Variants in SPRTN observed in about 807,000 individuals in gnomAD.
SPRTN encodes DNA-dependent metalloprotease SPRTN.
Under a neutral mutation model 31.9 loss-of-function variants are expected in SPRTN, and 11 were observed. The observed-to-expected ratio is 0.34, with a 90% CI of 0.22 to 0.57. SPRTN has a LOEUF of 0.57. SPRTN is among the 20% of genes least tolerant of loss of function. The pLI is 0.86. For synonymous variants in SPRTN, 185 were observed against 212.1 expected, an observed-to-expected ratio of 0.87 and a Z score of 1.11; for missense variants, 482 against 590.1, an observed-to-expected ratio of 0.82 and a Z score of 1.90.
intron 2 of SPRTN, 66 bp downstream of exon 2, chr1:231,339,934 G>C (rs1686814946): frequency 6.8e-7 from 1 of 1,474,148 alleles, no homozygotes; most frequent in Non-Finnish European, 9.5e-7. Flanking sequence ...GATTTAGACT[G>C]CTGTGAATTC....
intron 4 of SPRTN, 162 bp from the exon 5 acceptor site, chr1:231,352,448 C>T (rs1001476276): frequency 4.5e-6 from 6 of 1,322,524 alleles, no homozygotes; most frequent in Non-Finnish European, 5.8e-6. Flanking sequence ...CTCCTGAATT[C>T]TGAAGATTGC....
At chr1:231,346,823 T>G (rs1274936959) in intron 2 of SPRTN, among the ~76,000 whole-genome samples, 1 of 152,038 alleles carries the variant, frequency 6.6e-6, no homozygotes, top group Non-Finnish European at 1.5e-5. Context: ...ACACCTGTAG[T>G]GCCAGCTACT....
rs902264087 is a variant in SPRTN at position 231,354,433 on chromosome 1, T to A, written c.*1072T>A. The A allele has an allele frequency of 1.0e-6, 1 of 966,202 alleles. No homozygotes were observed. Among genetic ancestry groups the A allele is most frequent in the Non-Finnish European group, 1.2e-6 (1 of 812,486 alleles). 59.9% of individuals were successfully genotyped at this position (966,202 alleles called of 1,614,324 possible). On this transcript the variant is annotated 3_prime_UTR_variant, in exon 5 of 5. Coordinates refer to ENST00000295050, the MANE Select transcript of SPRTN (RefSeq NM_032018.7). ...TTGTTGTAATACAGGTGCACAAATC[T>A]TAAGTGCACAGCTGGGTAAACTTTT...
chr1:231,351,209 A>T (rs1308499959), intron 3 of SPRTN, 95 bp from the exon 4 acceptor site: 241 of 519,774 alleles, frequency 4.6e-4, no homozygotes, highest in African/African-American at 3.7e-3. Flanking sequence ...AAAAATTAAA[A>T]AAAAAAAAAA....
At chr1:231,343,033 G>A (rs1440584491) in intron 2 of SPRTN, among the ~76,000 whole-genome samples, 2 of 152,048 alleles carry the variant, frequency 1.3e-5, no homozygotes, top group Non-Finnish European at 2.9e-5. Flanking sequence ...CACCACACCT[G>A]GCCAAGACTA....
In SPRTN at chr1:231,353,347, G is replaced by A. The variant is rs762108108; in HGVS notation, c.1456G>A (p.Glu486Lys). 21 of 1,582,396 alleles carry A rather than the reference G, an allele frequency of 1.3e-5. No homozygotes were observed. Among genetic ancestry groups the A allele is most frequent in the African/African-American group, 2.7e-5 (2 of 73,068 alleles). ...LEGDSIKVKS[E>K]ESL ...AGGTGACAGCATCAAAGTCAAAAGC[G>A]AAGAAAGTCTTTGAAAAAGGTTTCA... The change falls in exon 5 of 5, where the codon GAA becomes AAA. Residue 486 changes from glutamate (E) to lysine (K), a missense_variant. Coordinates refer to ENST00000295050, the MANE Select transcript of SPRTN (RefSeq NM_032018.7).
At chr1:231,339,531 G>T in intron 1 of SPRTN, 5 of 717,000 alleles carry the variant, frequency 7.0e-6, no homozygotes, top group Non-Finnish European at 9.9e-6. Context: ...TTCTCAAGCA[G>T]GGTGGTGAGA....
intron 3 of SPRTN, among the ~76,000 whole-genome samples, chr1:231,350,035 C>A (rs1339759652): frequency 6.6e-6 from 1 of 152,114 alleles, no homozygotes; most frequent in East Asian, 1.9e-4. Flanking sequence ...CAAAACAGAT[C>A]CATTTGTCTC....
At chr1:231,339,276 ACAGGCGT>A (rs1452583313) in intron 1 of SPRTN, among the ~76,000 whole-genome samples, 1 of 152,244 alleles carries the variant, frequency 6.6e-6, no homozygotes, top group African/African-American at 2.4e-5. Flanking sequence ...TTTCCTTTAT[ACAGGCGT>A]CTGTTATGAT....
rs1687293041 is a variant in SPRTN, at chr1:231,353,154, T to A, written c.1263T>A (p.Phe421Leu). Residue 421 changes from phenylalanine (F) to leucine (L), a missense_variant, in exon 5 of 5, where the codon TTT becomes TTA. Phe to Leu is a conservative substitution (Grantham distance 22). This residue lies in a region of SPRTN where 325 missense variants were observed against 350.2 expected (regional missense o/e 0.93). Coordinates refer to ENST00000295050, the MANE Select transcript of SPRTN (RefSeq NM_032018.7). ...LEDKTVFDNF[F>L]IKKEQIKSSG... ...ATAAGACTGTTTTTGACAATTTTTT[T>A]ATCAAGAAAGAGCAAATAAAAAGCA... The A allele has an allele frequency of 1.9e-6, 3 of 1,612,002 alleles. No individual in the cohort carries two copies. The highest frequency in any genetic ancestry group is 1.7e-6 in the Non-Finnish European group (2 of 1,179,408).
chr1:231,352,829 C>T lies in SPRTN; in HGVS notation c.938C>T (p.Ser313Phe). 6.2e-7 allele frequency: 1 copy of T among 1,613,730 alleles called. No individual in the cohort carries two copies. The highest frequency in any genetic ancestry group is 8.5e-7 in the Non-Finnish European group (1 of 1,179,860). Reference protein sequence around the residue: ...KFEQNGSSKNSHLVSPAVSNS... With the variant: ...KFEQNGSSKNFHLVSPAVSNS... ...GAACAGAATGGTTCAAGTAAAAATT[C>T]TCATCTGGTCTCCCCTGCTGTTAGT... The change falls in exon 5 of 5, where the codon TCT (serine) becomes TTT (phenylalanine). Residue 313 changes from serine to phenylalanine, a missense_variant. Transcript: ENST00000295050.
chr1:231,340,382 T>G (rs1296070700), intron 2 of SPRTN, among the ~76,000 whole-genome samples: 2 of 151,850 alleles, frequency 1.3e-5, no homozygotes, highest in Non-Finnish European at 2.9e-5. Flanking sequence ...AATAAAAGCC[T>G]TCTAGGTATA....
rs914076588 is a variant in SPRTN at position 231,353,146 on chromosome 1, A to C, written c.1255A>C (p.Asn419His). The change falls in exon 5 of 5, where the codon AAT (asparagine) becomes CAT (histidine). Residue 419 changes from asparagine (N) to histidine (H), a missense_variant. Coordinates refer to ENST00000295050, the MANE Select transcript of SPRTN (RefSeq NM_032018.7). Reference protein sequence around the residue: ...PRLEDKTVFDNFFIKKEQIKS... With the variant: ...PRLEDKTVFDHFFIKKEQIKS... ...GCTAGAAGATAAGACTGTTTTTGAC[A>C]ATTTTTTTATCAAGAAAGAGCAAAT... 12 of 1,611,846 alleles carry C rather than the reference A, an allele frequency of 7.4e-6. No homozygotes were observed. Among genetic ancestry groups the C allele is most frequent in the African/African-American group, 1.3e-5 (1 of 74,732 alleles).
chr1:231,342,659 C>T (rs915958901), intron 2 of SPRTN, among the ~76,000 whole-genome samples: 1 of 151,870 alleles, frequency 6.6e-6, no homozygotes, highest in Non-Finnish European at 1.5e-5. Flanking sequence ...CTCCTGACCC[C>T]AGGTGATCCT....
At chr1:231,349,606 C>T (rs1433619431) in intron 3 of SPRTN, among the ~76,000 whole-genome samples, 1 of 152,132 alleles carries the variant, frequency 6.6e-6, no homozygotes, top group African/African-American at 2.4e-5. Flanking sequence ...AGGTTACATC[C>T]TGTTATAAGG....
Position 231,353,076 on chromosome 1 carries a change from G to A in SPRTN, c.1185G>A (p.Gln395=). 2 of 1,614,146 alleles carry A rather than the reference G, an allele frequency of 1.2e-6. No individual in the cohort carries two copies. The highest frequency in any genetic ancestry group is 1.3e-5 in the African/African-American group (1 of 75,042). Residue 395 remains glutamine, a synonymous_variant, in exon 5 of 5, where the codon CAG becomes CAA. Coordinates refer to ENST00000295050, the MANE Select transcript of SPRTN (RefSeq NM_032018.7). Reference sequence around the variant, plus strand: ...AATCAGCATCTGTGATGCCATCCCAGGATGTGAGTGGGTCTGAAGATACAT... The same window carrying A: ...AATCAGCATCTGTGATGCCATCCCAAGATGTGAGTGGGTCTGAAGATACAT... ...VTESASVMPS[Q]DVSGSEDTFP... is the part of the protein sequence containing the mutation.
intron 4 of SPRTN, chr1:231,351,874 G>T: frequency 9.6e-7 from 1 of 1,036,668 alleles, no homozygotes; most frequent in Non-Finnish European, 1.2e-6. Context: ...AATATTTGAG[G>T]TAAAGTTCCT....
At chr1:231,340,425 A>C (rs952667002) in intron 2 of SPRTN, among the ~76,000 whole-genome samples, 1 of 152,216 alleles carries the variant, frequency 6.6e-6, no homozygotes, top group African/African-American at 2.4e-5. Context: ...AGCCCTGTTT[A>C]TGTTCATGTG....
In SPRTN at chr1:231,339,818, C is replaced by T; in HGVS notation, c.271C>T (p.Arg91Cys). ...YEGKGGMCSI[R>C]LSEPLLKLRP... ...AGGGAAGGGTGGAATGTGTTCCATC[C>T]GTCTCAGCGAACCCCTTTTGAAGTT... The change falls in exon 2 of 5, where the codon CGT becomes TGT. Residue 91 changes from arginine to cysteine, a missense_variant. Coordinates refer to ENST00000295050, the MANE Select transcript of SPRTN (RefSeq NM_032018.7). 2 of 1,614,046 alleles carry T rather than the reference C, an allele frequency of 1.2e-6. No individual in the cohort carries two copies. Among genetic ancestry groups the T allele is most frequent in the East Asian group, 2.2e-5 (1 of 44,872 alleles).
Sources: allele counts gnomAD v4.1 joint callset (sites outside exome capture counted in the v4.1 genomes callset), GRCh38; gene constraint gnomAD v4.1.1; regional missense constraint gnomAD v4.1.1; transcripts MANE v1.5; gene names NCBI Gene and HGNC (gene_info 2026-07-23, HGNC 2026-07-21).